Variants in RAB9B observed in about 807,000 individuals in gnomAD.
The protein encoded by RAB9B is ras-related protein Rab-9B.
A neutral mutation model predicts 8.9 loss-of-function variants in RAB9B; 1 was observed. The observed-to-expected ratio is 0.11, with a 90% CI of 0.04 to 0.53. The LOEUF (loss-of-function observed/expected upper bound fraction) is 0.53. Ranked by LOEUF, RAB9B falls within the 20% of genes least tolerant of loss-of-function variation. The probability of loss-of-function intolerance (pLI) is 0.93; values close to 1 mark genes in which losing one functional copy is unlikely to be tolerated. For missense variants in RAB9B, 82 were observed against 152.9 expected (o/e 0.54, Z 2.45); for synonymous variants, 63 against 57.0 (o/e 1.10, Z -0.47).
At chrX:103,776,943 G>C in the RAB9B span, 1 of 1,171,065 alleles carries the variant, frequency 8.5e-7, no homozygotes, top group Admixed American at 2.2e-5. Flanking sequence ...AACAAAGTCA[G>C]CCACAAAGCA....
chrX:103,823,213 T>C lies in RAB9B; in HGVS notation c.*1966A>G, dbSNP rs1486295305. 1.8e-5 allele frequency: 2 copies of C among 111,579 alleles called. No homozygotes were observed. The highest frequency in any genetic ancestry group is 1.9e-5 in the Non-Finnish European group (1 of 53,135). The allele number at this position is 111,579 out of a possible 1,213,427, so 9.2% of individuals were successfully genotyped here. A position where few individuals can be genotyped will look rare whatever the true frequency, so the allele number is the denominator to read the frequency against. On this transcript the variant is annotated 3_prime_UTR_variant, in exon 3 of 3. Coordinates refer to ENST00000243298, the MANE Select transcript of RAB9B (RefSeq NM_016370.4). The stretch of plus-strand genomic sequence containing the variant: ...ACAGATTTTCACCCTAACATGATTG[T>C]AGCAAAATGATCACAGAACTTGGAA...
rs1188644862 is a variant in RAB9B at position 103,825,033 on chromosome X, AC to A, written c.*145del. ...TTTTAATTTTTTTAAATCAATCTAC[AC>A]TTCAATTTGAAAGGCTCTGTTTCAC... On this transcript the variant is annotated 3_prime_UTR_variant, in exon 3 of 3. Coordinates refer to ENST00000243298, the MANE Select transcript of RAB9B (RefSeq NM_016370.4). The A allele has an allele frequency of 1.6e-6, 1 of 620,718 alleles. No homozygotes were observed. The highest frequency in any genetic ancestry group is 2.4e-6 in the Non-Finnish European group (1 of 413,802). 51.2% of individuals were successfully genotyped at this position (620,718 alleles called of 1,213,427 possible). A position where few individuals can be genotyped will look rare whatever the true frequency, so the allele number is the denominator to read the frequency against.
At chrX:103,786,579 C>A in the RAB9B span, 2 of 1,211,473 alleles carry the variant, frequency 1.7e-6, no homozygotes, top group Non-Finnish European at 2.2e-6. Flanking sequence ...AGATCTTTGG[C>A]GACTACAAGA....
At chrX:103,786,348 A>G in the RAB9B span, 1 of 1,051,252 alleles carries the variant, frequency 9.5e-7, no homozygotes, top group Non-Finnish European at 1.3e-6. Context: ...TTCCTCTAGA[A>G]AATCCCTAGC....
chrX:103,798,644 A>AT, the RAB9B span, among the ~76,000 whole-genome samples: 1,451 of 98,168 alleles, frequency 0.015, 14 homozygotes, highest in African/African-American at 0.043. Context: ...GCAAACTACA[A>AT]TTTTTTTTTT....
chrX:103,793,229 A>G, the RAB9B span, among the ~76,000 whole-genome samples: 1 of 112,112 alleles, frequency 8.9e-6, no homozygotes, highest in Non-Finnish European at 1.9e-5. Flanking sequence ...CTACTAGCCC[A>G]CCGGGGACAT....
chrX:103,829,001 C>T (rs996816971), intron 1 of RAB9B, among the ~76,000 whole-genome samples: 1 of 111,659 alleles, frequency 9.0e-6, no homozygotes, highest in South Asian at 3.8e-4. Context: ...AATACCTGCC[C>T]TACTTAACAG....
the RAB9B span, among the ~76,000 whole-genome samples, chrX:103,807,286 A>T: frequency 3.9e-4 from 44 of 111,861 alleles, no homozygotes; most frequent in East Asian, 7.3e-3. Context: ...AATGATTGAA[A>T]CAGCCTCATC....
chrX:103,816,454 G>A, the RAB9B span, among the ~76,000 whole-genome samples: 4 of 111,778 alleles, frequency 3.6e-5, no homozygotes, highest in South Asian at 3.7e-4. Flanking sequence ...AGTCTTAAAC[G>A]TAAGACCTAG....
rs2074680316 is a variant in RAB9B at position 103,825,521 on chromosome X, G to A, written c.264C>T (p.Ser88=). 11 of 1,209,707 alleles carry A rather than the reference G, an allele frequency of 9.1e-6. No homozygotes were observed. Among genetic ancestry groups the A allele is most frequent in the Admixed American group, 2.2e-5 (1 of 45,683 alleles). ...TCTCGAAGCTCTGCCGATCATCCAC[G>A]CTGAAGGTCAAGAGGCAGCAGTCTG... ...RGADCCLLTF[S]VDDRQSFENL... The change falls in exon 3 of 3, where the codon AGC becomes AGT. Residue 88 remains serine, a synonymous_variant. Coordinates refer to ENST00000243298, the MANE Select transcript of RAB9B (RefSeq NM_016370.4).
chrX:103,781,923 C>A, the RAB9B span, among the ~76,000 whole-genome samples: 1 of 111,870 alleles, frequency 8.9e-6, no homozygotes, highest in South Asian at 3.8e-4. Flanking sequence ...CCCTTTCAAC[C>A]AGGAGGGGTT....
chrX:103,789,258 C>T, the RAB9B span: 3 of 741,437 alleles, frequency 4.0e-6, no homozygotes, highest in Non-Finnish European at 6.4e-6. Flanking sequence ...ATTCAGAAAG[C>T]TGTATTCATG....
At chrX:103,819,693 T>A (rs1048881289), downstream of RAB9B, among the ~76,000 whole-genome samples, 1 of 112,288 alleles carries the variant, frequency 8.9e-6, no homozygotes, top group African/African-American at 3.2e-5. Flanking sequence ...ATTTTTCCTT[T>A]ATTCCATAAA....
the RAB9B span, among the ~76,000 whole-genome samples, chrX:103,816,062 C>T: frequency 8.9e-6 from 1 of 111,745 alleles, no homozygotes; most frequent in Non-Finnish European, 1.9e-5. Context: ...ACTTTCTTCA[C>T]AGAGTTGGAA....
chrX:103,828,643 G>T (rs920350575), intron 1 of RAB9B, among the ~76,000 whole-genome samples: 6 of 111,884 alleles, frequency 5.4e-5, no homozygotes, highest in Admixed American at 9.5e-5. Flanking sequence ...TATTCTCCCA[G>T]TTGCAGATAA....
the RAB9B span, among the ~76,000 whole-genome samples, chrX:103,799,825 A>G: frequency 8.9e-6 from 1 of 111,898 alleles, no homozygotes; most frequent in African/African-American, 3.2e-5. Flanking sequence ...ATTGATGTCC[A>G]CACAGATGAA....
the RAB9B span, chrX:103,787,592 CA>C: frequency 4.4e-6 from 2 of 456,306 alleles, no homozygotes; most frequent in Admixed American, 6.7e-5. Flanking sequence ...CCATTCCCCC[CA>C]CCCTCCGTTA....
chrX:103,793,514 C>T, the RAB9B span, among the ~76,000 whole-genome samples: 1 of 112,001 alleles, frequency 8.9e-6, no homozygotes, highest in African/African-American at 3.2e-5. Context: ...GACTTTAAGA[C>T]ATAAAGAATA....
At chrX:103,787,427 G>A in the RAB9B span, 2,872 of 251,688 alleles carry the variant, frequency 0.011, 86 homozygotes, top group African/African-American at 0.075. Context: ...GAACAAAAAT[G>A]TTCCTATGGC....
Sources: allele counts gnomAD v4.1 joint callset (sites outside exome capture counted in the v4.1 genomes callset), GRCh38; gene constraint gnomAD v4.1.1; transcripts MANE v1.5; gene names NCBI Gene and HGNC (gene_info 2026-07-23, HGNC 2026-07-21).